The following MAZ variants were observed in gnomAD, a reference collection of about 807,000 sequenced individuals.
The protein encoded by MAZ is MYC associated zinc finger protein.
A neutral mutation model predicts 32.7 loss-of-function variants in MAZ; 4 were observed. The ratio of observed to expected loss-of-function variants is 0.12; its 90% CI spans 0.06 to 0.28. The LOEUF (loss-of-function observed/expected upper bound fraction) is 0.28. Ranked by LOEUF, MAZ falls within the 10% of genes least tolerant of loss-of-function variation. The pLI is 1.00. For missense variants in MAZ, 763 were observed against 667.2 expected, an observed-to-expected ratio of 1.14 and a Z score of -1.58; for synonymous variants, 510 against 297.6, an observed-to-expected ratio of 1.71 and a Z score of -7.35.
In MAZ at chr16:29,811,031, T is replaced by C. The variant is rs550500316; in HGVS notation, c.*800T>C. The C allele has an allele frequency of 2.2e-6, 1 of 454,814 alleles. No homozygotes were observed. The highest frequency in any genetic ancestry group is 4.4e-6 in the Non-Finnish European group (1 of 226,202). The allele number at this position is 454,814 out of a possible 1,614,324, so 28.2% of individuals were successfully genotyped here. A position where few individuals can be genotyped will look rare whatever the true frequency, so the allele number is the denominator to read the frequency against. On this transcript the variant is annotated 3_prime_UTR_variant, in exon 5 of 5. Coordinates refer to ENST00000322945, the MANE Select transcript of MAZ (RefSeq NM_002383.4). Reference sequence around the variant, plus strand: ...CTCCAGCCCTGGTCTTGTCTTTTCATCCCTCTTCCCCACGACAGAAGAAGT... The same window carrying C: ...CTCCAGCCCTGGTCTTGTCTTTTCACCCCTCTTCCCCACGACAGAAGAAGT...
At chr16:29,808,022 T>TG (rs1899634698) in intron 2 of MAZ, 194 bp downstream of exon 2, 3 of 1,166,666 alleles carry the variant, frequency 2.6e-6, no homozygotes, top group Admixed American at 2.4e-5. Context: ...AGGTGGGCCT[T>TG]GGGGTTGACG....
At position 29,808,610 on chromosome 16, in the gene MAZ, C is replaced by T. The variant is rs923278394; in HGVS notation, c.1148C>T (p.Ala383Val). Residue 383 changes from alanine to valine, a missense_variant, in exon 4 of 5, where the codon GCG becomes GTG. Ala to Val is a moderately conservative substitution (Grantham distance 64, BLOSUM62 0). Transcript: ENST00000322945. ...TTCGCCACGAAGGATCGGCTGCGGGCGCACACAGTACGACACGAGGAGAAA... is the reference window on the plus strand; with the variant it reads ...TTCGCCACGAAGGATCGGCTGCGGGTGCACACAGTACGACACGAGGAGAAA... ...AAFATKDRLRAHTVRHEEKVP... is the reference protein window; with the variant it reads ...AAFATKDRLRVHTVRHEEKVP... 1 of 1,613,236 alleles carries T rather than the reference C, an allele frequency of 6.2e-7. No individual in the cohort carries two copies. The highest frequency in any genetic ancestry group is 8.5e-7 in the Non-Finnish European group (1 of 1,179,834).
At position 29,807,400 on chromosome 16, in the gene MAZ, C is replaced by T. The variant is rs750668378; in HGVS notation, c.615C>T (p.Leu205=). ...CAKEFKNGYN[L]RRHEAIHTGA... Reference sequence around the variant, plus strand: ...AGGAGTTCAAGAACGGCTACAATCTCCGGAGGCACGAAGCCATCCACACGG... The same window carrying T: ...AGGAGTTCAAGAACGGCTACAATCTTCGGAGGCACGAAGCCATCCACACGG... The change falls in exon 2 of 5, where the codon CTC becomes CTT. Residue 205 remains leucine (L), a synonymous_variant. Transcript: ENST00000322945. The T allele has an allele frequency of 2.7e-5, 43 of 1,612,286 alleles. No homozygotes were observed. Among genetic ancestry groups the T allele is most frequent in the East Asian group, 8.9e-5 (4 of 44,852 alleles).
chr16:29,808,810 G>A (rs1899720293), intron 4 of MAZ, 69 bp downstream of exon 4: 1 of 1,519,360 alleles, frequency 6.6e-7, no homozygotes, highest in African/African-American at 1.4e-5. Context: ...CCTTGCCACG[G>A]ATACGGGTTA....
In MAZ at chr16:29,808,673, C is replaced by T. The variant is rs1408832014; in HGVS notation, c.1211C>T (p.Ala404Val). ...GTGTGTGGCAAGATGCTGAGCTCGG[C>T]TTATATTTCGGACCACATGAAGGTG... ...CHVCGKMLSS[A>V]YISDHMKVHS... The change falls in exon 4 of 5, where the codon GCT becomes GTT. Residue 404 changes from alanine to valine, a missense_variant. Coordinates refer to ENST00000322945, the MANE Select transcript of MAZ (RefSeq NM_002383.4). The T allele has an allele frequency of 3.1e-6, 5 of 1,613,896 alleles. No individual in the cohort carries two copies. The highest frequency in any genetic ancestry group is 2.2e-5 in the East Asian group (1 of 44,892).
Position 29,806,749 on chromosome 16 carries a change from G to A in MAZ, c.48G>A (p.Val16=). The A allele has an allele frequency of 2.8e-6, 4 of 1,414,176 alleles. No individual in the cohort carries two copies. The highest frequency in any genetic ancestry group is 1.5e-5 in the African/African-American group (1 of 65,052). The allele number at this position is 1,414,176 out of a possible 1,614,324, so 87.6% of individuals were successfully genotyped here. Residue 16 remains valine (V), a synonymous_variant, in exon 1 of 5, where the codon GTG becomes GTA. Coordinates refer to ENST00000322945, the MANE Select transcript of MAZ (RefSeq NM_002383.4). The part of the protein sequence containing the change: ...PCTLLAPPFP[V]LGLDSRGVGG... ...CGCTGCTGGCCCCCCCCTTCCCCGT[G>A]CTGGGCCTGGACTCCCGGGGGGTGG...
In MAZ at chr16:29,806,788, C is replaced by T; in HGVS notation, c.87C>T (p.Asn29=). Residue 29 remains asparagine (N), a synonymous_variant, in exon 1 of 5, where the codon AAC becomes AAT. Coordinates refer to ENST00000322945, the MANE Select transcript of MAZ (RefSeq NM_002383.4). ...LDSRGVGGLM[N]SFPPPQGHAQ... is the part of the protein sequence containing the mutation. ...CCCGGGGGGTGGGCGGCCTCATGAACTCCTTCCCGCCACCTCAGGGTCACG... is the reference window on the plus strand; with the variant it reads ...CCCGGGGGGTGGGCGGCCTCATGAATTCCTTCCCGCCACCTCAGGGTCACG... 2.1e-6 allele frequency: 3 copies of T among 1,434,434 alleles called. No homozygotes were observed. The highest frequency in any genetic ancestry group is 3.0e-5 in the East Asian group (1 of 33,298). The allele number at this position is 1,434,434 out of a possible 1,614,324, so 88.9% of individuals were successfully genotyped here. A position where few individuals can be genotyped will look rare whatever the true frequency, so the allele number is the denominator to read the frequency against.
Position 29,806,671 on chromosome 16 carries a change from G to T in MAZ, c.-31G>T. ...GCGGCCCGCGCCCCCGGCCCCCGCT[G>T]AGCCCCGGGGGCCCCGCTGCGGCCG... On this transcript the variant is annotated 5_prime_UTR_variant, in exon 1 of 5. It removes the in-frame stop codon of an upstream open reading frame in the 5' UTR. Coordinates refer to ENST00000322945, the MANE Select transcript of MAZ (RefSeq NM_002383.4). 9.5e-7 allele frequency: 1 copy of T among 1,052,226 alleles called. No homozygotes were observed. The highest frequency in any genetic ancestry group is 4.0e-5 in the South Asian group (1 of 24,810). The allele number at this position is 1,052,226 out of a possible 1,614,324, so 65.2% of individuals were successfully genotyped here. A position where few individuals can be genotyped will look rare whatever the true frequency, so the allele number is the denominator to read the frequency against.
chr16:29,807,913 G>A, intron 2 of MAZ, 85 bp downstream of exon 2: 1 of 1,543,120 alleles, frequency 6.5e-7, no homozygotes. Flanking sequence ...GGCGGGGAGG[G>A]AGGCGGCTGC....
At chr16:29,808,377 T>A in intron 3 of MAZ, 84 bp downstream of exon 3, 1 of 1,381,150 alleles carries the variant, frequency 7.2e-7, no homozygotes, top group Non-Finnish European at 1.0e-6. Flanking sequence ...CAGACCCCCT[T>A]TTTCTCTCTC....
intron 4 of MAZ, chr16:29,809,524 AT>A: frequency 6.4e-7 from 1 of 1,558,964 alleles, no homozygotes; most frequent in Non-Finnish European, 8.8e-7. Context: ...CCCCATCCCA[AT>A]CCACCCCCCA....
In MAZ at chr16:29,806,829, A is replaced by G; in HGVS notation, c.128A>G (p.Gln43Arg). Residue 43 changes from glutamine to arginine, a missense_variant, in exon 1 of 5, where the codon CAG (glutamine) becomes CGG (arginine). Transcript: ENST00000322945. Reference protein sequence around the residue: ...PPQGHAQNPLQVGAELQSRFF... With the variant: ...PPQGHAQNPLRVGAELQSRFF... ...CAGGGTCACGCCCAGAACCCCCTGCAGGTCGGGGCTGAGCTCCAGTCCCGC... is the reference window on the plus strand; with the variant it reads ...CAGGGTCACGCCCAGAACCCCCTGCGGGTCGGGGCTGAGCTCCAGTCCCGC... 1 of 1,427,434 alleles carries G rather than the reference A, an allele frequency of 7.0e-7. No individual in the cohort carries two copies. Among genetic ancestry groups the G allele is most frequent in the Non-Finnish European group, 9.3e-7 (1 of 1,079,696 alleles). The allele number at this position is 1,427,434 out of a possible 1,614,324, so 88.4% of individuals were successfully genotyped here.
rs1207640367 is a variant in MAZ, at chr16:29,808,642, T to C, written c.1180T>C (p.Cys394Arg). 6.2e-7 allele frequency: 1 copy of C among 1,613,658 alleles called. No individual in the cohort carries two copies. The highest frequency in any genetic ancestry group is 8.5e-7 in the Non-Finnish European group (1 of 1,179,952). The change falls in exon 4 of 5, where the codon TGT becomes CGT. Residue 394 changes from cysteine (C) to arginine (R), a missense_variant. Coordinates refer to ENST00000322945, the MANE Select transcript of MAZ (RefSeq NM_002383.4). ...AGTACGACACGAGGAGAAAGTGCCA[T>C]GTCACGTGTGTGGCAAGATGCTGAG... ...HTVRHEEKVP[C>R]HVCGKMLSSA...
Position 29,810,246 on chromosome 16 carries a change from G to A in MAZ, c.*15G>A. On this transcript the variant is annotated 3_prime_UTR_variant, in exon 5 of 5. Coordinates refer to ENST00000322945, the MANE Select transcript of MAZ (RefSeq NM_002383.4). Reference sequence around the variant, plus strand: ...AACCCTGGTGAGCTCCAAGTTGGTTGCGGGGGAGAGGGGAGAATGGAGTAG... The same window carrying A: ...AACCCTGGTGAGCTCCAAGTTGGTTACGGGGGAGAGGGGAGAATGGAGTAG... 6.4e-7 allele frequency: 1 copy of A among 1,573,242 alleles called. No homozygotes were observed. The highest frequency in any genetic ancestry group is 8.6e-7 in the Non-Finnish European group (1 of 1,159,258).
rs1197428819 is a variant in MAZ, at chr16:29,808,374, C to T, written c.1107+81C>T. The T allele has an allele frequency of 1.2e-5, 17 of 1,397,500 alleles. No individual in the cohort carries two copies. The Middle Eastern group carries it at 5.3e-4, about 43-fold the overall frequency. The allele number at this position is 1,397,500 out of a possible 1,614,324, so 86.6% of individuals were successfully genotyped here. ...CTGTCTGAGTCAGTCTCTCAGACCC[C>T]CTTTTTCTCTCTCTTCTTTTTGCCT... On this transcript the variant is annotated intron_variant, in intron 3 of 4. Coordinates refer to ENST00000322945, the MANE Select transcript of MAZ (RefSeq NM_002383.4).
intron 4 of MAZ, 180 bp from the exon 5 acceptor site, chr16:29,809,897 C>T (rs1173137477): frequency 3.2e-5 from 37 of 1,152,832 alleles, no homozygotes; most frequent in Non-Finnish European, 3.9e-5. Context: ...CTTCTGGGCA[C>T]AGGGAGGATC....
intron 4 of MAZ, 99 bp downstream of exon 4, chr16:29,808,840 C>T (rs986370327): frequency 1.7e-5 from 21 of 1,223,296 alleles, no homozygotes; most frequent in African/African-American, 3.0e-5. Context: ...TAGCCAAGAG[C>T]TCGTGGCGTC....
chr16:29,809,279 T>C, intron 4 of MAZ: 1 of 551,412 alleles, frequency 1.8e-6, no homozygotes, highest in South Asian at 2.4e-5. Flanking sequence ...CTCGTCATCC[T>C]GGGAGAGGTC....
Position 29,807,775 on chromosome 16 carries a change from C to T in MAZ, c.990C>T (p.Asp330=), listed in dbSNP as rs762486567. The T allele has an allele frequency of 1.1e-5, 17 of 1,612,006 alleles. No individual in the cohort carries two copies. Among genetic ancestry groups the T allele is most frequent in the African/African-American group, 9.3e-5 (7 of 74,942 alleles). The part of the protein sequence containing the change: ...DRMSYHVRSH[D]GAVHKPYNCS... The stretch of plus-strand genomic sequence containing the variant: ...TGAGCTACCACGTGCGCTCACATGA[C>T]GGCGCTGTGCACAAGCCCTACAACT... The change falls in exon 2 of 5, where the codon GAC becomes GAT. Residue 330 remains aspartate, a synonymous_variant. Transcript: ENST00000322945.
Sources: allele counts gnomAD v4.1 joint callset, GRCh38; gene constraint gnomAD v4.1.1; transcripts MANE v1.5; gene names NCBI Gene and HGNC (gene_info 2026-07-23, HGNC 2026-07-21).